UBAP2: variants seen among roughly 807,000 people sequenced by gnomAD.
The protein encoded by UBAP2 is ubiquitin associated protein 2.
In UBAP2, 75 loss-of-function variants were observed where a neutral mutation model predicts 139.6. The ratio of observed to expected loss-of-function variants is 0.54; its 90% confidence interval spans 0.45 to 0.65. UBAP2 has a LOEUF of 0.65. Ranked by LOEUF, UBAP2 falls within the 30% of genes least tolerant of loss-of-function variation. UBAP2 has a pLI of 0.00. For missense variants in UBAP2, 1,368 were observed against 1,369.6 expected, an observed-to-expected ratio of 1.00 and a Z score of 0.02; for synonymous variants, 526 against 526.2, an observed-to-expected ratio of 1.00 and a Z score of 0.01.
chr9:33,999,116 A>G (rs1235607400), intron 2 of UBAP2, among the ~76,000 whole-genome samples: 1 of 152,186 alleles, frequency 6.6e-6, no homozygotes, highest in South Asian at 2.1e-4. Context: ...TAACTGGCCA[A>G]TGACTTACTT....
chr9:34,014,773 C>A (rs1219373870), intron 2 of UBAP2, among the ~76,000 whole-genome samples: 579 of 126,072 alleles, frequency 4.6e-3, no homozygotes, highest in Middle Eastern at 7.7e-3. Flanking sequence ...GACTCCGTCT[C>A]AAAAAAAAAA....
chr9:34,038,280 C>T (rs1826644164), intron 1 of UBAP2, among the ~76,000 whole-genome samples: 1 of 152,036 alleles, frequency 6.6e-6, no homozygotes, highest in African/African-American at 2.4e-5. Flanking sequence ...GAAACTCTGT[C>T]TCTATTAAAA....
intron 6 of UBAP2, among the ~76,000 whole-genome samples, chr9:33,975,256 C>T (rs576575348): frequency 6.6e-6 from 1 of 150,716 alleles, no homozygotes; most frequent in African/African-American, 2.4e-5. Flanking sequence ...ATGGTGAAAC[C>T]CCGTCTTTAT....
rs79048614 is a variant in UBAP2 at position 34,001,287 on chromosome 9, A to G, written c.100-2423T>C. ...GGATTGCAATCCAGGACATACATAC[A>G]TACACATACTAGGGTAGCCTCCTAG... On this transcript the variant is annotated intron_variant, in intron 2 of 28. Transcript: ENST00000379238. Among the ~76,000 whole-genome samples the G allele has an allele frequency of 9.9e-3, 1,514 of 152,344 alleles. 13 individuals are homozygous for G. Among genetic ancestry groups the G allele is most frequent in the Admixed American group, 0.013 (194 of 15,292 alleles).
intron 1 of UBAP2, among the ~76,000 whole-genome samples, chr9:34,048,381 T>TG (rs901136702): frequency 1.3e-5 from 2 of 152,058 alleles, no homozygotes; most frequent in Admixed American, 1.3e-4. Context: ...GCGCATAAGT[T>TG]GGGGCTATAA....
intron 2 of UBAP2, among the ~76,000 whole-genome samples, chr9:33,999,240 T>TA (rs1421025967): frequency 6.6e-6 from 1 of 151,282 alleles, no homozygotes; most frequent in Non-Finnish European, 1.5e-5. Context: ...GAAGCCAAGG[T>TA]AGAAGCACTG....
chr9:33,945,163 G>T (rs946884483), intron 13 of UBAP2, among the ~76,000 whole-genome samples: 2 of 141,064 alleles, frequency 1.4e-5, no homozygotes, highest in Non-Finnish European at 3.1e-5. Context: ...AACTTATTAA[G>T]TTTTTGGACT....
chr9:33,936,405 T>C (rs1474799003), intron 16 of UBAP2, among the ~76,000 whole-genome samples: 1 of 152,088 alleles, frequency 6.6e-6, no homozygotes, highest in Non-Finnish European at 1.5e-5. Flanking sequence ...GTGATTCTCC[T>C]ACCTCAGCCT....
chr9:34,017,170 G>A lies in UBAP2; in HGVS notation c.-22C>T, dbSNP rs2131279399. 2.0e-6 allele frequency: 3 copies of A among 1,519,682 alleles called. No individual in the cohort carries two copies. The East Asian group carries it at 7.1e-5, about 36-fold the overall frequency. 94.1% of individuals were successfully genotyped at this position (1,519,682 alleles called of 1,614,324 possible). A position where few individuals can be genotyped will look rare whatever the true frequency, so the allele number is the denominator to read the frequency against. ...TCATATACAGTATATACAAAATAAT[G>A]TATGTACAAAATAGAAAATCTGCAA... is the stretch of plus-strand genomic sequence containing the variant. On this transcript the variant is annotated 5_prime_UTR_variant, in exon 2 of 29. Coordinates refer to ENST00000379238, the MANE Select transcript of UBAP2 (RefSeq NM_001370062.2).
At chr9:34,037,645 ACAG>A (rs1826552187) in intron 1 of UBAP2, among the ~76,000 whole-genome samples, 1 of 152,174 alleles carries the variant, frequency 6.6e-6, no homozygotes, top group South Asian at 2.1e-4. Context: ...GAACTAAGTA[ACAG>A]CAGTAGTTAT....
intron 15 of UBAP2, among the ~76,000 whole-genome samples, chr9:33,942,095 G>A (rs1241884567): frequency 6.6e-6 from 1 of 150,926 alleles, no homozygotes. Context: ...GGGCGGATCC[G>A]GAGGTCAGGA....
chr9:34,013,885 A>C (rs890448711), intron 2 of UBAP2, among the ~76,000 whole-genome samples: 5 of 152,206 alleles, frequency 3.3e-5, no homozygotes, highest in Admixed American at 3.3e-4. Context: ...TCAAAAAAAA[A>C]AAGAAAGAAA....
chr9:34,006,420 C>T (rs1823224446), intron 2 of UBAP2, among the ~76,000 whole-genome samples: 1 of 152,138 alleles, frequency 6.6e-6, no homozygotes, highest in Admixed American at 6.5e-5. Flanking sequence ...CAGTTCACAC[C>T]TGTAATTCCA....
intron 11 of UBAP2, among the ~76,000 whole-genome samples, chr9:33,954,301 C>CACACACACACACACAA (rs1554682975): frequency 6.8e-6 from 1 of 146,646 alleles, no homozygotes; most frequent in Non-Finnish European, 1.5e-5. Flanking sequence ...CACACACACA[C>CACACACACACACACAA]GCCCATATAA....
chr9:34,014,324 C>CAAAAAAACAA (rs1824049807), intron 2 of UBAP2, among the ~76,000 whole-genome samples: 1 of 55,674 alleles, frequency 1.8e-5, no homozygotes, highest in Non-Finnish European at 3.0e-5. Flanking sequence ...GAGACTGTCT[C>CAAAAAAACAA]AAAAAAAAAA....
chr9:33,932,359 C>T (rs1008280218), intron 19 of UBAP2, among the ~76,000 whole-genome samples: 8 of 152,118 alleles, frequency 5.3e-5, no homozygotes, highest in South Asian at 2.1e-4. Context: ...TCTTCCCAGG[C>T]GCTACAAACT....
intron 6 of UBAP2, among the ~76,000 whole-genome samples, chr9:33,983,645 T>C (rs930239714): frequency 6.6e-6 from 1 of 152,210 alleles, no homozygotes; most frequent in Admixed American, 6.5e-5. Flanking sequence ...TTTCTTTTTG[T>C]TACCTTCTAT....
In UBAP2 at chr9:33,922,720, C is replaced by CTG; in HGVS notation, c.3229_3230dup (p.Gln1077HisfsTer135). ...CCTGCGGAAGGTGGTGGTGCAGCAG[C>CTG]TGTGAGTGGGGCTGCTGGTGGGCTG... On this transcript the variant is annotated frameshift_variant, in exon 28 of 29. Transcript: ENST00000379238. LOFTEE classifies it high-confidence loss of function. The CTG allele has an allele frequency of 6.4e-7, 1 of 1,550,776 alleles. No homozygotes were observed. Among genetic ancestry groups the CTG allele is most frequent in the African/African-American group, 1.4e-5 (1 of 73,192 alleles).
intron 1 of UBAP2, among the ~76,000 whole-genome samples, chr9:34,037,611 A>C (rs571167450): frequency 6.6e-6 from 1 of 152,340 alleles, no homozygotes; most frequent in East Asian, 1.9e-4. Context: ...TTAGCAATTT[A>C]CTTAGCATTG....
Sources: allele counts gnomAD v4.1 joint callset (sites outside exome capture counted in the v4.1 genomes callset), GRCh38; gene constraint gnomAD v4.1.1; transcripts MANE v1.5; gene names NCBI Gene and HGNC (gene_info 2026-07-23, HGNC 2026-07-21).